The following KRT86 variants were observed in gnomAD, a reference collection of about 807,000 sequenced individuals.
KRT86 encodes keratin, type II cuticular Hb6.
KRT86 carries 30 observed loss-of-function variants against 41.2 expected under a neutral mutation model. That is an observed-to-expected ratio of 0.73 (90% CI 0.54 to 0.99). KRT86 has a LOEUF of 0.99. KRT86 is among the 50% of genes least tolerant of loss of function. The pLI, the probability that KRT86 is intolerant of heterozygous loss-of-function variation, is 0.00. For missense variants in KRT86, 561 were observed against 571.4 expected (o/e 0.98, Z 0.19); for synonymous variants, 238 against 238.1 (o/e 1.00, Z 0.00).
At chr12:52,284,074 G>GT (rs779764959) in intron 2 of KRT86, among the ~76,000 whole-genome samples, 176 of 152,348 alleles carry the variant, frequency 1.2e-3, no homozygotes, top group Middle Eastern at 6.8e-3. Flanking sequence ...GTTGGAATAG[G>GT]TGAGAAGTCC....
intron 2 of KRT86, among the ~76,000 whole-genome samples, chr12:52,300,887 T>C (rs926559125): frequency 1.3e-5 from 2 of 152,194 alleles, no homozygotes; most frequent in Admixed American, 6.5e-5. Context: ...ATCCAGACAT[T>C]CAATCCTTGT....
In KRT86 at chr12:52,276,812, T is replaced by A. The variant is rs183958706; in HGVS notation, c.-5+866T>A. On this transcript the variant is annotated intron_variant, in intron 2 of 10. Transcript: ENST00000423955. ...TCTTAACCCACCCACCTCCCAGCCC[T>A]CTCACACCCCCGCTGGCTCAAGTCT... Among the ~76,000 whole-genome samples, 45 of 152,218 alleles carry A rather than the reference T, an allele frequency of 3.0e-4. No homozygotes were observed. In the East Asian group the frequency reaches 8.7e-3, roughly 29 times the overall value.
chr12:52,306,111 GC>G lies in KRT86; in HGVS notation c.1081del (p.Leu361SerfsTer25). 1 of 1,614,028 alleles carries G rather than the reference GC, an allele frequency of 6.2e-7. No homozygotes were observed. Among genetic ancestry groups the G allele is most frequent in the Non-Finnish European group, 8.5e-7 (1 of 1,180,054 alleles). ...VAQSEQQGEA[A>X]LSDARCKLAE... ...TCAGTCTGAGCAGCAGGGTGAGGCG[GC>G]CCTCAGCGATGCCCGCTGCAAGTTG... On this transcript the variant is annotated frameshift_variant, in exon 9 of 11. Transcript: ENST00000423955. LOFTEE classifies it high-confidence loss of function.
Position 52,302,094 on chromosome 12 carries a change from G to A in KRT86, c.178G>A (p.Gly60Arg). Residue 60 changes from glycine (G) to arginine (R), a missense_variant, in exon 3 of 11, where the codon GGA (glycine) becomes AGA (arginine). Transcript: ENST00000423955. ...VCGGFRAGSC[G>R]RSFGYRSGGV... ...CGGAGGCTTTCGGGCCGGCTCCTGC[G>A]GACGCAGCTTCGGCTACCGCTCCGG... 2 of 1,580,124 alleles carry A rather than the reference G, an allele frequency of 1.3e-6. No individual in the cohort carries two copies. The highest frequency in any genetic ancestry group is 1.7e-6 in the Non-Finnish European group (2 of 1,164,978).
intron 2 of KRT86, chr12:52,278,966 T>G (rs1937705105): frequency 6.6e-6 from 1 of 152,404 alleles, no homozygotes. Context: ...AGTTTGTACA[T>G]CTGTCTCCTG....
intron 2 of KRT86, among the ~76,000 whole-genome samples, chr12:52,283,392 C>CAA (rs1169224117): frequency 0.11 from 3,923 of 35,282 alleles, 134 homozygotes; most frequent in African/African-American, 0.18. Context: ...AACTGTCTCA[C>CAA]AAAAAAAAAA....
At position 52,302,013 on chromosome 12, in the gene KRT86, C is replaced by A; in HGVS notation, c.97C>A (p.Arg33Ser). ...GRCCITAAPY[R>S]GISCYRGLTG... ...CTGCTGCATCACCGCCGCCCCCTAC[C>A]GTGGCATCTCCTGCTACCGCGGCCT... The change falls in exon 3 of 11, where the codon CGT (arginine) becomes AGT (serine). Residue 33 changes from arginine (R) to serine (S), a missense_variant. By Grantham distance (110) the Arg-to-Ser change is moderately radical. This residue lies in a region of KRT86 where 164 missense variants were observed against 172.5 expected (regional missense o/e 0.95). Transcript: ENST00000423955. 1.9e-6 allele frequency: 3 copies of A among 1,612,030 alleles called. No individual in the cohort carries two copies. Among genetic ancestry groups the A allele is most frequent in the Non-Finnish European group, 2.5e-6 (3 of 1,179,070 alleles).
intron 2 of KRT86, among the ~76,000 whole-genome samples, chr12:52,285,126 T>C (rs1937883386): frequency 1.3e-5 from 2 of 152,192 alleles, no homozygotes. Context: ...ACTTATGAGG[T>C]GGTTGCCCTT....
rs1049024709 is a variant in KRT86, at chr12:52,279,180, C to T, written c.-5+3234C>T. ...GCGGCTACGCGCTCTGCGGCTCTCC[C>T]GGCTGTGTCCGTGGGCTTTAGCTAC... is the stretch of plus-strand genomic sequence containing the variant. On this transcript the variant is annotated intron_variant, in intron 2 of 10. Transcript: ENST00000423955. 3.3e-5 allele frequency: 5 copies of T among 152,394 alleles called. No homozygotes were observed. The East Asian group carries it at 5.8e-4, about 18-fold the overall frequency. The allele number at this position is 152,394 out of a possible 1,614,324, so 9.4% of individuals were successfully genotyped here. A position where few individuals can be genotyped will look rare whatever the true frequency, so the allele number is the denominator to read the frequency against.
intron 2 of KRT86, among the ~76,000 whole-genome samples, chr12:52,293,847 T>C (rs1283588505): frequency 1.3e-5 from 2 of 151,860 alleles, no homozygotes; most frequent in African/African-American, 2.4e-5. Flanking sequence ...TGAAATGGCC[T>C]GGCTTATAGC....
chr12:52,287,680 G>C (rs1335579280), intron 2 of KRT86: 2 of 1,613,778 alleles, frequency 1.2e-6, no homozygotes, highest in South Asian at 2.2e-5. Flanking sequence ...TGCGGCGCAG[G>C]GTCTCCCCGT....
chr12:52,306,242 C>T lies in KRT86; in HGVS notation c.1209C>T (p.Ile403=), dbSNP rs747856782. The T allele has an allele frequency of 2.5e-6, 4 of 1,613,670 alleles. No homozygotes were observed. Among genetic ancestry groups the T allele is most frequent in the African/African-American group, 1.3e-5 (1 of 75,046 alleles). ...CCAAGCTGGGCCTGGACATCGAGATCGCCACCTACAGGCGCCTGCTGGAGG... is the reference window on the plus strand; with the variant it reads ...CCAAGCTGGGCCTGGACATCGAGATTGCCACCTACAGGCGCCTGCTGGAGG... ...MNSKLGLDIE[I]ATYRRLLEGE... The change falls in exon 9 of 11, where the codon ATC becomes ATT. Residue 403 remains isoleucine (I), a synonymous_variant. Transcript: ENST00000423955.
At chr12:52,277,967 A>G (rs993775531) in intron 2 of KRT86, among the ~76,000 whole-genome samples, 1 of 152,226 alleles carries the variant, frequency 6.6e-6, no homozygotes, top group Non-Finnish European at 1.5e-5. Flanking sequence ...CCACCCCAGT[A>G]TCAGAGACCA....
intron 2 of KRT86, among the ~76,000 whole-genome samples, chr12:52,295,384 A>C (rs4761858): frequency 0.7 from 106,656 of 152,128 alleles, 37,880 homozygotes; most frequent in African/African-American, 0.82. Flanking sequence ...GCAGAACTGG[A>C]ACCCAGAGCC....
Position 52,286,410 on chromosome 12 carries a change from C to A in KRT86, c.-5+10464C>A, listed in dbSNP as rs145963392. On this transcript the variant is annotated intron_variant, in intron 2 of 10. Transcript: ENST00000423955. Reference sequence around the variant, plus strand: ...ACCGCCACGTTCCCGTTGCACGGAGCGCTGCAGACACTGCCAGTCACTGGC... The same window carrying A: ...ACCGCCACGTTCCCGTTGCACGGAGAGCTGCAGACACTGCCAGTCACTGGC... The A allele has an allele frequency of 1.2e-4, 183 of 1,554,274 alleles. No individual in the cohort carries two copies. In the African/African-American group the frequency reaches 1.5e-3, roughly 13 times the overall value.
rs74093110 is a variant in KRT86 at position 52,300,811 on chromosome 12, T to C, written c.-4-1102T>C. Among the ~76,000 whole-genome samples the C allele has an allele frequency of 2.8e-3, 425 of 152,336 alleles. 4 individuals are homozygous for C. The highest frequency in any genetic ancestry group is 0.01 in the African/African-American group (417 of 41,580). ...TATTCTGAGCCAGATACTGTATAGA[T>C]GCATAACAGTGGTGCTCATCCCAGA... On this transcript the variant is annotated intron_variant, in intron 2 of 10. Transcript: ENST00000423955.
intron 2 of KRT86, among the ~76,000 whole-genome samples, chr12:52,298,343 A>AT (rs1938295238): frequency 6.6e-6 from 1 of 152,220 alleles, no homozygotes; most frequent in Admixed American, 6.5e-5. Flanking sequence ...TTTATTGAGC[A>AT]TTTTCTATGT....
chr12:52,281,535 TG>T (rs1374296518), intron 2 of KRT86, among the ~76,000 whole-genome samples: 1 of 152,130 alleles, frequency 6.6e-6, no homozygotes, highest in Non-Finnish European at 1.5e-5. Context: ...GGAAGTCTCT[TG>T]TGGAGTCTAA....
At position 52,301,978 on chromosome 12, in the gene KRT86, G is replaced by T; in HGVS notation, c.62G>T (p.Arg21Leu). ...AGCTGCATCTCGGCCTGCGGGCCCC[G>T]GCCCGGCCGCTGCTGCATCACCGCC... ...AFSCISACGP[R>L]PGRCCITAAP... Residue 21 changes from arginine (R) to leucine (L), a missense_variant, in exon 3 of 11, where the codon CGG (arginine) becomes CTG (leucine). Arg to Leu is a moderately radical substitution (Grantham distance 102). This residue lies in a region of KRT86 where 164 missense variants were observed against 172.5 expected (regional missense o/e 0.95). Transcript: ENST00000423955. 2 of 1,613,360 alleles carry T rather than the reference G, an allele frequency of 1.2e-6. No individual in the cohort carries two copies. The highest frequency in any genetic ancestry group is 2.2e-5 in the East Asian group (1 of 44,864).
Sources: allele counts gnomAD v4.1 joint callset (sites outside exome capture counted in the v4.1 genomes callset), GRCh38; gene constraint gnomAD v4.1.1; regional missense constraint gnomAD v4.1.1; transcripts MANE v1.5; gene names NCBI Gene and HGNC (gene_info 2026-07-23, HGNC 2026-07-21).